SNX24: variants seen among roughly 807,000 people sequenced by gnomAD.
The protein encoded by SNX24 is sorting nexin-24.
In SNX24, 22 loss-of-function variants were observed where a neutral mutation model predicts 28.7. The observed-to-expected ratio is 0.77, with a 90% confidence interval of 0.55 to 1.10. SNX24 has a LOEUF of 1.10. SNX24 is among the 50% of genes least tolerant of loss of function. The probability of loss-of-function intolerance (pLI) is 0.00; values close to 1 mark genes in which losing one functional copy is unlikely to be tolerated. For missense variants in SNX24, 221 were observed against 201.1 expected (o/e 1.10, Z -0.60); for synonymous variants, 69 against 71.5 (o/e 0.96, Z 0.18).
intron 1 of SNX24, among the ~76,000 whole-genome samples, chr5:122,873,731 A>G (rs1756089346): frequency 6.7e-6 from 1 of 150,122 alleles, no homozygotes; most frequent in Non-Finnish European, 1.5e-5. Context: ...AAGAAATGCC[A>G]GCACTCTCTT....
At chr5:122,987,899 G>A (rs1486022310) in intron 3 of SNX24, among the ~76,000 whole-genome samples, 1 of 152,278 alleles carries the variant, frequency 6.6e-6, no homozygotes, top group East Asian at 1.9e-4. Context: ...CATGCATTAA[G>A]GGGCTAGGAA....
At chr5:122,968,933 A>G (rs1388524851) in intron 3 of SNX24, among the ~76,000 whole-genome samples, 1 of 152,134 alleles carries the variant, frequency 6.6e-6, no homozygotes, top group Admixed American at 6.6e-5. Context: ...ATAATTAAAT[A>G]TGCACTAAAT....
At chr5:122,867,601 A>G (rs1265199649) in intron 1 of SNX24, among the ~76,000 whole-genome samples, 3 of 152,136 alleles carry the variant, frequency 2.0e-5, no homozygotes, top group Non-Finnish European at 4.4e-5. Context: ...CATAACCTCT[A>G]TTCCTGCCAC....
intron 3 of SNX24, among the ~76,000 whole-genome samples, chr5:122,992,838 T>C (rs1375748344): frequency 1.3e-5 from 2 of 152,206 alleles, no homozygotes; most frequent in African/African-American, 2.4e-5. Flanking sequence ...TTCTATATGA[T>C]TGGATTCCAG....
chr5:122,857,803 G>C (rs1272385575), intron 1 of SNX24, among the ~76,000 whole-genome samples: 2 of 151,974 alleles, frequency 1.3e-5, no homozygotes, highest in East Asian at 3.9e-4. Flanking sequence ...CTTTTTTTGA[G>C]ATGGATTCTT....
At chr5:122,889,689 A>G (rs1581709871) in intron 1 of SNX24, among the ~76,000 whole-genome samples, 1 of 141,778 alleles carries the variant, frequency 7.1e-6, no homozygotes, top group Non-Finnish European at 1.5e-5. Flanking sequence ...ATATATATGT[A>G]TATGTATGTG....
chr5:123,028,675 G>T, intron 5 of SNX24: 1 of 930,512 alleles, frequency 1.1e-6, no homozygotes, highest in Non-Finnish European at 1.6e-6. Flanking sequence ...CTTTACAACT[G>T]TGTTCCTTAG....
At chr5:122,914,997 G>C (rs966868078) in intron 1 of SNX24, among the ~76,000 whole-genome samples, 1 of 152,180 alleles carries the variant, frequency 6.6e-6, no homozygotes, top group Non-Finnish European at 1.5e-5. Context: ...GCTACTAACA[G>C]ATGCACGTTG....
intron 5 of SNX24, chr5:123,023,818 A>ACACACACACACACACACACACC: frequency 1.3e-6 from 2 of 1,588,748 alleles, no homozygotes; most frequent in Non-Finnish European, 1.7e-6. Flanking sequence ...ACACACACAC[A>ACACACACACACACACACACACC]CACACACACA....
At chr5:123,007,137 T>C (rs768982839) in intron 6 of SNX24, among the ~76,000 whole-genome samples, 6 of 152,194 alleles carry the variant, frequency 3.9e-5, no homozygotes, top group Non-Finnish European at 7.3e-5. Context: ...TTTTCAAGTT[T>C]GGCAGGATGG....
At chr5:123,018,292 T>C (rs946334063) in intron 5 of SNX24, among the ~76,000 whole-genome samples, 2 of 152,064 alleles carry the variant, frequency 1.3e-5, no homozygotes, top group African/African-American at 4.8e-5. Context: ...TTCTTCCTCC[T>C]TTACCCTGGA....
chr5:123,028,114 C>G (rs1762887287), intron 5 of SNX24, among the ~76,000 whole-genome samples: 1 of 152,220 alleles, frequency 6.6e-6, no homozygotes, highest in Admixed American at 6.5e-5. Context: ...CTGACGAAAC[C>G]ACCACCCTGT....
At chr5:122,952,211 A>G (rs1363924072) in intron 3 of SNX24, among the ~76,000 whole-genome samples, 1 of 152,228 alleles carries the variant, frequency 6.6e-6, no homozygotes, top group Non-Finnish European at 1.5e-5. Context: ...TGTGGTCCCA[A>G]GCATTTCAAA....
intron 1 of SNX24, among the ~76,000 whole-genome samples, chr5:122,917,413 A>T (rs1046354627): frequency 3.3e-5 from 5 of 152,188 alleles, no homozygotes; most frequent in African/African-American, 1.2e-4. Flanking sequence ...GGCATCCAAA[A>T]ATGATTCAGT....
At chr5:122,996,931 C>T (rs904926758) in intron 3 of SNX24, among the ~76,000 whole-genome samples, 4 of 152,106 alleles carry the variant, frequency 2.6e-5, no homozygotes, top group Non-Finnish European at 5.9e-5. Flanking sequence ...TAGGATGACC[C>T]AGGGTACAGC....
chr5:123,017,650 C>T (rs1400689610), intron 5 of SNX24, among the ~76,000 whole-genome samples: 1 of 151,978 alleles, frequency 6.6e-6, no homozygotes, highest in African/African-American at 2.4e-5. Context: ...GTGGGAGGGA[C>T]CCGGTGGGAG....
At chr5:122,919,198 T>C (rs564890140) in intron 1 of SNX24, among the ~76,000 whole-genome samples, 2 of 152,346 alleles carry the variant, frequency 1.3e-5, no homozygotes, top group South Asian at 2.1e-4. Context: ...TCAGGAAAAC[T>C]GTTTTGGACT....
At chr5:122,887,520 G>A (rs1032597946) in intron 1 of SNX24, among the ~76,000 whole-genome samples, 1 of 152,100 alleles carries the variant, frequency 6.6e-6, no homozygotes, top group South Asian at 2.1e-4. Flanking sequence ...ACTTTTAGAT[G>A]TATGTAGAGT....
At chr5:123,013,103 C>T (rs34877330), downstream of SNX24, among the ~76,000 whole-genome samples, 20,734 of 152,006 alleles carry the variant, frequency 0.14, 3,280 homozygotes, top group African/African-American at 0.39. Context: ...AGGAAAAGAC[C>T]CTGAAGAAGC....
Sources: gnomAD v4.1 joint callset for allele counts (sites outside exome capture counted in the v4.1 genomes callset) on GRCh38, gnomAD v4.1.1 for gene constraint, MANE v1.5 for transcripts, NCBI Gene and HGNC (gene_info 2026-07-23, HGNC 2026-07-21) for gene names.